Variants in EPHA3 observed in about 807,000 individuals in gnomAD.
EPHA3 encodes EPH receptor A3.
EPHA3 carries 42 observed loss-of-function variants against 107.1 expected under a neutral mutation model. That is an observed-to-expected ratio of 0.39 (90% CI 0.31 to 0.51). EPHA3 has a LOEUF of 0.51. Ranked by LOEUF, EPHA3 falls within the 20% of genes least tolerant of loss-of-function variation. EPHA3 has a pLI of 0.78. For synonymous variants in EPHA3, 461 were observed against 424.8 expected (o/e 1.09, Z -1.05); for missense variants, 1,183 against 1,211.2 (o/e 0.98, Z 0.35).
intron 2 of EPHA3, among the ~76,000 whole-genome samples, chr3:89,171,927 A>G (rs1705218685): frequency 1.3e-5 from 2 of 152,182 alleles, no homozygotes; most frequent in African/African-American, 4.8e-5. Context: ...TTCTATAGAC[A>G]GAAGCCCTCT....
At chr3:89,178,137 C>A (rs1313311246) in intron 2 of EPHA3, among the ~76,000 whole-genome samples, 2 of 151,984 alleles carry the variant, frequency 1.3e-5, no homozygotes, top group African/African-American at 2.4e-5. Flanking sequence ...TACAATTATT[C>A]TACTGAACTT....
chr3:89,427,024 G>A (rs1056366926), intron 11 of EPHA3, among the ~76,000 whole-genome samples: 1 of 151,716 alleles, frequency 6.6e-6, no homozygotes, highest in African/African-American at 2.4e-5. Flanking sequence ...TTTAATCAAA[G>A]TTTAGTTGGA....
intron 5 of EPHA3, among the ~76,000 whole-genome samples, chr3:89,353,505 T>A (rs1274004395): frequency 6.6e-6 from 1 of 151,270 alleles, no homozygotes; most frequent in East Asian, 1.9e-4. Flanking sequence ...CCTGAGAGTA[T>A]AAGTGGTTAT....
At chr3:89,168,221 G>C (rs1303500852) in intron 2 of EPHA3, among the ~76,000 whole-genome samples, 2 of 152,088 alleles carry the variant, frequency 1.3e-5, no homozygotes, top group Admixed American at 1.3e-4. Flanking sequence ...CTCTGGCTGA[G>C]GAAACAATTT....
intron 1 of EPHA3, among the ~76,000 whole-genome samples, chr3:89,113,896 T>C (rs761402300): frequency 6.6e-6 from 1 of 152,078 alleles, no homozygotes; most frequent in African/African-American, 2.4e-5. Flanking sequence ...TGTGGAGGGG[T>C]GGACAGAATC....
At position 89,403,188 on chromosome 3, in the gene EPHA3, T is replaced by C. The variant is rs542078258; in HGVS notation, c.1594+3708T>C. On this transcript the variant is annotated intron_variant, in intron 7 of 16. Coordinates refer to ENST00000336596, the MANE Select transcript of EPHA3 (RefSeq NM_005233.6). ...TTGGTATTTTATATTTATTATCATC[T>C]TCATTTTACAGTTGAGGAAACTGAG... 3.3e-5 allele frequency among the ~76,000 whole-genome samples: 5 copies of C among 152,316 alleles called. No homozygotes were observed. In the East Asian group the frequency reaches 9.6e-4, roughly 29 times the overall value.
chr3:89,211,734 CTTCTTCTCCTTCTTCTT>C, intron 3 of EPHA3, among the ~76,000 whole-genome samples: 1 of 10,240 alleles, frequency 9.8e-5, no homozygotes, highest in East Asian at 2.1e-3. Flanking sequence ...TTTTCTTCTT[CTTCTTCTCCTTCTTCTT>C]CTTCTTCTTC....
chr3:89,394,167 T>C (rs1478946690), intron 5 of EPHA3, among the ~76,000 whole-genome samples: 2 of 152,176 alleles, frequency 1.3e-5, no homozygotes, highest in South Asian at 2.1e-4. Flanking sequence ...TTCTAGCACT[T>C]TGGGAGGCCT....
chr3:89,230,979 TA>T (rs1255177087), intron 3 of EPHA3, among the ~76,000 whole-genome samples: 1 of 152,142 alleles, frequency 6.6e-6, no homozygotes, highest in Admixed American at 6.6e-5. Context: ...GAATCTGTAA[TA>T]TTTTTTAATA....
intron 3 of EPHA3, among the ~76,000 whole-genome samples, chr3:89,302,629 A>G (rs1706518215): frequency 6.6e-6 from 1 of 152,084 alleles, no homozygotes; most frequent in Non-Finnish European, 1.5e-5. Context: ...TTATTTTTCT[A>G]ATACCCTTCT....
chr3:89,209,812 TA>T (rs1706223888), intron 2 of EPHA3, 47 bp from the exon 3 acceptor site: 5 of 1,477,192 alleles, frequency 3.4e-6, no homozygotes, highest in African/African-American at 1.4e-5. Flanking sequence ...TTGTATTCGT[TA>T]TTATCATTAA....
Position 89,107,824 on chromosome 3 carries a change from C to A in EPHA3, c.76C>A (p.Pro26Thr). Residue 26 changes from proline (P) to threonine (T), a missense_variant, in exon 1 of 17, where the codon CCT becomes ACT. By Grantham distance (38) the Pro-to-Thr change is conservative. Coordinates refer to ENST00000336596, the MANE Select transcript of EPHA3 (RefSeq NM_005233.6). ...CAGCTTCGGGGAACTGATTCCGCAG[C>A]CTTCCAATGAAGGTAAGCCAGGTAC... is the stretch of plus-strand genomic sequence containing the variant. ...LDSFGELIPQ[P>T]SNEVNLLDSK... The A allele has an allele frequency of 1.2e-6, 2 of 1,614,116 alleles. No individual in the cohort carries two copies. The highest frequency in any genetic ancestry group is 1.7e-6 in the Non-Finnish European group (2 of 1,180,002).
intron 3 of EPHA3, among the ~76,000 whole-genome samples, chr3:89,326,230 T>C (rs1189816694): frequency 6.6e-6 from 1 of 152,086 alleles, no homozygotes; most frequent in Non-Finnish European, 1.5e-5. Context: ...TTGTATATAA[T>C]AGTGTTGTAT....
At chr3:89,270,611 A>T (rs936853347) in intron 3 of EPHA3, among the ~76,000 whole-genome samples, 3 of 152,132 alleles carry the variant, frequency 2.0e-5, no homozygotes, top group African/African-American at 7.2e-5. Flanking sequence ...TGATGTTCAT[A>T]AAACTTAAAC....
At chr3:89,287,371 C>A (rs11720687) in intron 3 of EPHA3, among the ~76,000 whole-genome samples, 5,461 of 152,114 alleles carry the variant, frequency 0.036, 138 homozygotes, top group Middle Eastern at 0.075. Flanking sequence ...AAATCAGTGT[C>A]CTTTTGGCAT....
intron 2 of EPHA3, among the ~76,000 whole-genome samples, chr3:89,180,336 C>G (rs1487507569): frequency 6.6e-6 from 1 of 151,612 alleles, no homozygotes; most frequent in Non-Finnish European, 1.5e-5. Context: ...ACCCACTATA[C>G]CATAAACAGA....
intron 3 of EPHA3, among the ~76,000 whole-genome samples, chr3:89,233,176 C>T (rs900778325): frequency 2.0e-5 from 3 of 151,954 alleles, no homozygotes; most frequent in African/African-American, 7.3e-5. Context: ...TATATATATA[C>T]ACGCACATAT....
chr3:89,293,795 C>G (rs1484738479), intron 3 of EPHA3, among the ~76,000 whole-genome samples: 1 of 152,110 alleles, frequency 6.6e-6, no homozygotes, highest in Non-Finnish European at 1.5e-5. Context: ...GTCAGTTAAA[C>G]CTCTTTTCTT....
At chr3:89,365,257 G>A (rs1292443915) in intron 5 of EPHA3, among the ~76,000 whole-genome samples, 1 of 150,594 alleles carries the variant, frequency 6.6e-6, no homozygotes, top group East Asian at 1.9e-4. Flanking sequence ...AAGAGGTTGG[G>A]AAGATAATTG....
Sources: allele counts gnomAD v4.1 joint callset (sites outside exome capture counted in the v4.1 genomes callset), GRCh38; gene constraint gnomAD v4.1.1; transcripts MANE v1.5; gene names NCBI Gene and HGNC (gene_info 2026-07-23, HGNC 2026-07-21).